The following ARMH3 variants were observed in gnomAD, a reference collection of about 807,000 sequenced individuals.
ARMH3 encodes armadillo like helical domain containing 3, also known as armadillo-like helical domain-containing protein 3.
Under a neutral mutation model 99.1 loss-of-function variants are expected in ARMH3, and 60 were observed. The ratio of observed to expected loss-of-function variants is 0.61; its 90% CI spans 0.49 to 0.75. The LOEUF is 0.75. Among genes scored for constraint, ARMH3 ranks in the 30% least tolerant of loss-of-function variants. The pLI is 0.00. For synonymous variants in ARMH3, 285 were observed against 292.8 expected (o/e 0.97, Z 0.27); for missense variants, 679 against 843.1 (o/e 0.81, Z 2.41).
chr10:101,968,153 T>G (rs1845617717), intron 20 of ARMH3, among the ~76,000 whole-genome samples: 1 of 152,104 alleles, frequency 6.6e-6, no homozygotes. Context: ...AAAATGAGTT[T>G]CCACATGAAA....
chr10:101,914,509 G>A (rs935037425), intron 23 of ARMH3, among the ~76,000 whole-genome samples: 62 of 148,456 alleles, frequency 4.2e-4, no homozygotes, highest in African/African-American at 1.4e-3. Context: ...AAAAAGATAC[G>A]ATACCCTGCT....
intron 1 of ARMH3, among the ~76,000 whole-genome samples, chr10:102,046,953 G>A (rs2067568586): frequency 6.6e-6 from 1 of 152,192 alleles, no homozygotes; most frequent in Non-Finnish European, 1.5e-5. Context: ...AGTGGATGAA[G>A]GTGCCATGGT....
At position 101,975,233 on chromosome 10, in the gene ARMH3, T is replaced by G. The variant is rs765655961; in HGVS notation, c.1474A>C (p.Thr492Pro). 5.6e-6 allele frequency: 9 copies of G among 1,611,800 alleles called. No homozygotes were observed. The highest frequency in any genetic ancestry group is 7.6e-6 in the Non-Finnish European group (9 of 1,178,750). ...TTACCTGACCAGAGCTCCCGCCAGG[T>G]GTAATGCAGGCGTACCCGACACTTC... Reference protein sequence around the residue: ...QKKCRVRLHYTWRELWSALIN... With the variant: ...QKKCRVRLHYPWRELWSALIN... Residue 492 changes from threonine (T) to proline (P), a missense_variant, in exon 20 of 26, where the codon ACC becomes CCC. Thr to Pro is a conservative substitution (Grantham distance 38). Coordinates refer to ENST00000370033, the MANE Select transcript of ARMH3 (RefSeq NM_024541.3).
intron 4 of ARMH3, 24 bp downstream of exon 4, chr10:102,033,002 T>A (rs374416466): frequency 1.2e-6 from 2 of 1,611,594 alleles, no homozygotes. Context: ...TAAACAAGAC[T>A]TCCCCAGTCT....
At chr10:101,959,309 C>T (rs1195120492) in intron 20 of ARMH3, among the ~76,000 whole-genome samples, 2 of 152,198 alleles carry the variant, frequency 1.3e-5, no homozygotes, top group South Asian at 2.1e-4. Context: ...GCTGAGTGAG[C>T]TACGTGGGGG....
chr10:101,962,267 C>T (rs1049680890), intron 20 of ARMH3, among the ~76,000 whole-genome samples: 1 of 152,198 alleles, frequency 6.6e-6, no homozygotes, highest in African/African-American at 2.4e-5. Flanking sequence ...CTCCACATCC[C>T]TGGGAATGCG....
At chr10:102,051,633 G>C (rs1229445806) in intron 1 of ARMH3, among the ~76,000 whole-genome samples, 3 of 152,142 alleles carry the variant, frequency 2.0e-5, no homozygotes, top group Non-Finnish European at 2.9e-5. Context: ...GTGTGCTCTA[G>C]ACAATGCTCC....
At chr10:102,014,730 T>A (rs1320214104) in intron 8 of ARMH3, among the ~76,000 whole-genome samples, 9 of 152,030 alleles carry the variant, frequency 5.9e-5, no homozygotes, top group Admixed American at 5.9e-4. Context: ...AGTTCTTGGG[T>A]TTTTCCAGAC....
intron 23 of ARMH3, among the ~76,000 whole-genome samples, chr10:101,937,579 A>G (rs1844045757): frequency 6.6e-6 from 1 of 152,020 alleles, no homozygotes; most frequent in African/African-American, 2.4e-5. Context: ...TTTGCCAAGG[A>G]ACAAATATGG....
In ARMH3 at chr10:101,996,597, T is replaced by C. The variant is rs546370729; in HGVS notation, c.1151-1242A>G. On this transcript the variant is annotated intron_variant, in intron 15 of 25. Coordinates refer to ENST00000370033, the MANE Select transcript of ARMH3 (RefSeq NM_024541.3). ...CACCTTTAGCCAGTTTCTATGGCAC[T>C]ATCCTCCCACAAACTGATACGCAAC... Among the ~76,000 whole-genome samples, 4 of 152,320 alleles carry C rather than the reference T, an allele frequency of 2.6e-5. No individual in the cohort carries two copies. The East Asian group carries it at 7.7e-4, about 29-fold the overall frequency.
chr10:101,909,280 G>C (rs986779344), intron 23 of ARMH3, among the ~76,000 whole-genome samples: 2 of 151,706 alleles, frequency 1.3e-5, no homozygotes, highest in Non-Finnish European at 2.9e-5. Context: ...GGTGGCGCAC[G>C]CCTGTAATCC....
chr10:102,007,242 G>A (rs1189301872), intron 13 of ARMH3, among the ~76,000 whole-genome samples: 1 of 146,078 alleles, frequency 6.8e-6, no homozygotes, highest in Non-Finnish European at 1.5e-5. Flanking sequence ...GATTACGACT[G>A]ATGCTTGCTA....
At chr10:102,003,854 T>C (rs2066424385) in intron 14 of ARMH3, among the ~76,000 whole-genome samples, 1 of 152,238 alleles carries the variant, frequency 6.6e-6, no homozygotes, top group Admixed American at 6.5e-5. Context: ...CTCCAAGAGC[T>C]AATATAAGAC....
intron 20 of ARMH3, among the ~76,000 whole-genome samples, chr10:101,970,052 A>C (rs897049542): frequency 6.6e-6 from 1 of 152,222 alleles, no homozygotes; most frequent in Admixed American, 6.5e-5. Context: ...TACTATTTAA[A>C]TGCAGCCTGC....
intron 22 of ARMH3, among the ~76,000 whole-genome samples, chr10:101,942,498 TG>T (rs1368552617): frequency 1.3e-5 from 2 of 152,344 alleles, no homozygotes; most frequent in Non-Finnish European, 2.9e-5. Context: ...GTAGCTTCTG[TG>T]GAAGTCCTTC....
At chr10:102,039,039 C>T (rs1288597926) in intron 2 of ARMH3, among the ~76,000 whole-genome samples, 2 of 152,150 alleles carry the variant, frequency 1.3e-5, no homozygotes, top group Non-Finnish European at 2.9e-5. Context: ...CTACACCCAG[C>T]CAGTAATTCT....
intron 15 of ARMH3, among the ~76,000 whole-genome samples, chr10:102,000,738 C>T (rs774616596): frequency 6.6e-6 from 1 of 151,562 alleles, no homozygotes; most frequent in Non-Finnish European, 1.5e-5. Context: ...CTACTGCACT[C>T]CAGCCTGGCT....
At chr10:101,881,693 G>C (rs1433870721) in intron 24 of ARMH3, among the ~76,000 whole-genome samples, 1 of 152,184 alleles carries the variant, frequency 6.6e-6, no homozygotes, top group Non-Finnish European at 1.5e-5. Flanking sequence ...ACAGGGATGA[G>C]AGTCAGTGCG....
chr10:101,886,196 A>G (rs756997827), intron 24 of ARMH3, among the ~76,000 whole-genome samples: 5 of 151,866 alleles, frequency 3.3e-5, no homozygotes, highest in Non-Finnish European at 5.9e-5. Flanking sequence ...CCATAAAAAT[A>G]CATACAGTTT....
Sources: gnomAD v4.1 joint callset for allele counts (sites outside exome capture counted in the v4.1 genomes callset) on GRCh38, gnomAD v4.1.1 for gene constraint, MANE v1.5 for transcripts, NCBI Gene and HGNC (gene_info 2026-07-23, HGNC 2026-07-21) for gene names.